The following RUNX1T1 variants were observed in gnomAD, a reference collection of about 807,000 sequenced individuals.
RUNX1T1 encodes protein CBFA2T1.
Under a neutral mutation model 62.8 loss-of-function variants are expected in RUNX1T1, and 4 were observed. The observed-to-expected ratio is 0.06, with a 90% CI of 0.03 to 0.15. RUNX1T1 has a LOEUF of 0.15. RUNX1T1 is among the 10% of genes least tolerant of loss of function. The pLI is 1.00. For missense variants in RUNX1T1, 508 were observed against 754.3 expected (o/e 0.67, Z 3.82); for synonymous variants, 291 against 286.0 (o/e 1.02, Z -0.18).
intron 1 of RUNX1T1, among the ~76,000 whole-genome samples, chr8:92,027,056 CAGTG>C (rs1825329359): frequency 6.9e-6 from 1 of 145,838 alleles, no homozygotes; most frequent in South Asian, 2.1e-4. Flanking sequence ...GCGGAGCTTG[CAGTG>C]AGTCGAGATC....
chr8:92,089,882 T>C (rs1367552826), intron 1 of RUNX1T1, among the ~76,000 whole-genome samples: 1 of 145,478 alleles, frequency 6.9e-6, no homozygotes, highest in African/African-American at 2.6e-5. Context: ...CCTTTCCCAG[T>C]TAGATGAAGA....
chr8:92,015,163 C>T (rs895351357), intron 2 of RUNX1T1, among the ~76,000 whole-genome samples: 8 of 152,152 alleles, frequency 5.3e-5, no homozygotes, highest in Non-Finnish European at 1.0e-4. Flanking sequence ...AGCTTTTTGT[C>T]GCAGGCTTAC....
chr8:91,988,859 C>T (rs933911580), intron 6 of RUNX1T1, among the ~76,000 whole-genome samples: 1 of 152,010 alleles, frequency 6.6e-6, no homozygotes, highest in Admixed American at 6.6e-5. Flanking sequence ...GATTCATTTG[C>T]CGCTTTTGAA....
upstream of RUNX1T1, among the ~76,000 whole-genome samples, chr8:92,065,547 T>A (rs1182274291): frequency 6.6e-6 from 1 of 152,238 alleles, no homozygotes; most frequent in African/African-American, 2.4e-5. Context: ...AACAAAATGC[T>A]GGGCTCCCAC....
At chr8:91,974,322 T>A (rs1813465607) in intron 9 of RUNX1T1, among the ~76,000 whole-genome samples, 1 of 152,134 alleles carries the variant, frequency 6.6e-6, no homozygotes, top group African/African-American at 2.4e-5. Context: ...GGTGCTATAT[T>A]CAGAAAAATC....
At position 92,080,254 on chromosome 8, in the gene RUNX1T1, T is replaced by C. The variant is rs538825771; in HGVS notation, c.-85-4117A>G. On this transcript the variant is annotated intron_variant, in intron 1 of 11. Coordinates refer to the RUNX1T1 transcript ENST00000265814. ...CCACAAAAGCCCAATTCAATCCCCA[T>C]GACTTTGGCAAACCTTTCCGTGGCT... 5.3e-4 allele frequency among the ~76,000 whole-genome samples: 80 copies of C among 152,310 alleles called. 1 individual carries two copies. The Middle Eastern group carries it at 0.027, about 52-fold the overall frequency.
intron 1 of RUNX1T1, among the ~76,000 whole-genome samples, chr8:92,040,448 A>G (rs1015548914): frequency 6.6e-6 from 1 of 152,254 alleles, no homozygotes; most frequent in Non-Finnish European, 1.5e-5. Flanking sequence ...CACAATGCTT[A>G]GCACACAGCT....
chr8:92,023,860 T>C (rs1824597775), intron 1 of RUNX1T1, among the ~76,000 whole-genome samples: 1 of 152,152 alleles, frequency 6.6e-6, no homozygotes, highest in African/African-American at 2.4e-5. Context: ...GGCCCAGACA[T>C]AGCACCTAGT....
chr8:92,093,235 G>A (rs1256174258), intron 1 of RUNX1T1, among the ~76,000 whole-genome samples: 1 of 152,022 alleles, frequency 6.6e-6, no homozygotes, highest in Non-Finnish European at 1.5e-5. Flanking sequence ...CAATTGTCAT[G>A]TATAAGTCAT....
chr8:92,013,865 G>A (rs1032250247), intron 3 of RUNX1T1, among the ~76,000 whole-genome samples: 2 of 152,102 alleles, frequency 1.3e-5, no homozygotes, highest in African/African-American at 2.4e-5. Context: ...ACCAGGAGCT[G>A]GGGATAAAAG....
At chr8:92,069,709 T>A (rs1375598167) in intron 2 of RUNX1T1, among the ~76,000 whole-genome samples, 3 of 152,152 alleles carry the variant, frequency 2.0e-5, no homozygotes, top group African/African-American at 7.2e-5. Flanking sequence ...CCCTACAGGG[T>A]TTTACCAGGC....
intron 1 of RUNX1T1, among the ~76,000 whole-genome samples, chr8:92,044,943 A>G (rs1354674275): frequency 1.3e-5 from 2 of 152,164 alleles, no homozygotes; most frequent in African/African-American, 4.8e-5. Flanking sequence ...AGAAAGTAAT[A>G]AAATAGACCA....
At chr8:91,983,378 T>C (rs1815851544) in intron 8 of RUNX1T1, among the ~76,000 whole-genome samples, 1 of 152,160 alleles carries the variant, frequency 6.6e-6, no homozygotes, top group Non-Finnish European at 1.5e-5. Flanking sequence ...GAAAGTTACA[T>C]TCTCCCCTGT....
At chr8:92,099,499 G>A (rs1283895430) in intron 1 of RUNX1T1, 10 of 279,440 alleles carry the variant, frequency 3.6e-5, no homozygotes, top group Non-Finnish European at 3.8e-5. Flanking sequence ...TGATGAATAA[G>A]GTGTCCATAA....
At chr8:92,078,592 T>C (rs1019218729) in intron 1 of RUNX1T1, among the ~76,000 whole-genome samples, 1 of 152,078 alleles carries the variant, frequency 6.6e-6, no homozygotes, top group Admixed American at 6.5e-5. Flanking sequence ...ACCATGGAAA[T>C]TGTGGAAAAC....
At chr8:91,959,956 A>G in exon 11 of RUNX1T1, 1 of 442,590 alleles carries the variant, frequency 2.3e-6, no homozygotes. Context: ...AATAACAGGG[A>G]GGAGGTCAAA....
chr8:92,075,975 T>G, exon 2 of RUNX1T1: 1 of 1,611,252 alleles, frequency 6.2e-7, no homozygotes, highest in Non-Finnish European at 8.5e-7. Context: ...CTTGACAATA[T>G]TCAAAGTTCC....
rs188778115 is a variant in RUNX1T1, at chr8:92,060,148, T to G, written c.7+2398A>C. Among the ~76,000 whole-genome samples, 270 of 152,224 alleles carry G rather than the reference T, an allele frequency of 1.8e-3. 1 individual carries two copies. Among genetic ancestry groups the G allele is most frequent in the African/African-American group, 6.2e-3 (259 of 41,546 alleles). Reference sequence around the variant, plus strand: ...TCATAAGAAAACATTTTCCTTTTCTTAAACACAAGGATCTAGTTGTTACAA... The same window carrying G: ...TCATAAGAAAACATTTTCCTTTTCTGAAACACAAGGATCTAGTTGTTACAA... On this transcript the variant is annotated intron_variant, in intron 1 of 10. Coordinates refer to ENST00000396218, the Ensembl canonical transcript of RUNX1T1.
At chr8:92,014,875 A>C (rs1822690824) in intron 2 of RUNX1T1, 55 bp from the exon 4 acceptor site, 1 of 1,505,270 alleles carries the variant, frequency 6.6e-7, no homozygotes, top group African/African-American at 1.4e-5. Flanking sequence ...AACATGCATG[A>C]GGAAATTGCC....
Sources: allele counts gnomAD v4.1 joint callset (sites outside exome capture counted in the v4.1 genomes callset), GRCh38; gene constraint gnomAD v4.1.1; transcripts MANE v1.5; gene names NCBI Gene and HGNC (gene_info 2026-07-23, HGNC 2026-07-21).